ARL2: variants seen among roughly 807,000 people sequenced by gnomAD.
The protein encoded by ARL2 is ARF like GTPase 2.
A neutral mutation model predicts 22.0 loss-of-function variants in ARL2; 11 were observed. The observed-to-expected ratio is 0.50, with a 90% confidence interval of 0.31 to 0.83. The LOEUF is 0.83. ARL2 is among the 40% of genes least tolerant of loss of function. The pLI, the probability that ARL2 is intolerant of heterozygous loss-of-function variation, is 0.04. For synonymous variants in ARL2, 111 were observed against 100.8 expected, an observed-to-expected ratio of 1.10 and a Z score of -0.61; for missense variants, 216 against 243.2, an observed-to-expected ratio of 0.89 and a Z score of 0.74.
intron 1 of ARL2, among the ~76,000 whole-genome samples, chr11:65,016,899 A>G (rs921461752): frequency 3.3e-5 from 5 of 152,220 alleles, no homozygotes; most frequent in Admixed American, 2.6e-4. Context: ...CCCAGTGCCA[A>G]GGGCAGCGCA....
At chr11:65,020,305 G>A in intron 3 of ARL2, 114 bp from the exon 4 acceptor site, 3 of 874,478 alleles carry the variant, frequency 3.4e-6, no homozygotes, top group East Asian at 2.6e-5. Context: ...CCACCACGGG[G>A]CCTCACCTTG....
At chr11:65,016,973 C>T (rs949140769) in intron 1 of ARL2, among the ~76,000 whole-genome samples, 5 of 152,076 alleles carry the variant, frequency 3.3e-5, no homozygotes, top group South Asian at 4.2e-4. Context: ...GATGACTGAG[C>T]GCTGTCCCAG....
Position 65,022,075 on chromosome 11 carries a change from C to T in ARL2, c.*220C>T. On this transcript the variant is annotated 3_prime_UTR_variant, in exon 5 of 5. Coordinates refer to ENST00000246747, the MANE Select transcript of ARL2 (RefSeq NM_001667.4). Reference sequence around the variant, plus strand: ...CTCTGGCTCCTGACCTGGCCTTTGGCTACCATACCAAGAAGAGAGGGCTGG... The same window carrying T: ...CTCTGGCTCCTGACCTGGCCTTTGGTTACCATACCAAGAAGAGAGGGCTGG... 1 of 617,358 alleles carries T rather than the reference C, an allele frequency of 1.6e-6. No homozygotes were observed. The highest frequency in any genetic ancestry group is 1.8e-5 in the African/African-American group (1 of 54,470). The allele number at this position is 617,358 out of a possible 1,614,324, so 38.2% of individuals were successfully genotyped here.
rs1946333900 is a variant in ARL2, at chr11:65,021,959, C to T, written c.*104C>T. On this transcript the variant is annotated 3_prime_UTR_variant, in exon 5 of 5. Transcript: ENST00000246747. ...AGCCGGCCAAACTAACACTCCCCCTCCTCCACCCCAGCCTGCTGCTGCTAC... is the reference window on the plus strand; with the variant it reads ...AGCCGGCCAAACTAACACTCCCCCTTCTCCACCCCAGCCTGCTGCTGCTAC... The T allele has an allele frequency of 1.1e-5, 16 of 1,463,204 alleles. No individual in the cohort carries two copies. The South Asian group carries it at 1.8e-4, about 16-fold the overall frequency. The allele number at this position is 1,463,204 out of a possible 1,614,324, so 90.6% of individuals were successfully genotyped here.
intron 1 of ARL2, among the ~76,000 whole-genome samples, chr11:65,016,259 A>T (rs1946252997): frequency 8.3e-6 from 1 of 119,804 alleles, no homozygotes; most frequent in African/African-American, 3.4e-5. Flanking sequence ...GTTGAACCAT[A>T]TAGCAATTCG....
intron 1 of ARL2, among the ~76,000 whole-genome samples, chr11:65,016,347 T>G (rs1946255816): frequency 6.6e-6 from 1 of 151,250 alleles, no homozygotes; most frequent in African/African-American, 2.4e-5. Flanking sequence ...TTCAGAGGAC[T>G]GGTGAGGAGG....
Position 65,018,988 on chromosome 11 carries a change from C to G in ARL2, c.339+255C>G. 1.4e-6 allele frequency: 2 copies of G among 1,429,260 alleles called. No individual in the cohort carries two copies. Among genetic ancestry groups the G allele is most frequent in the Non-Finnish European group, 1.9e-6 (2 of 1,070,946 alleles). 88.5% of individuals were successfully genotyped at this position (1,429,260 alleles called of 1,614,324 possible). Reference sequence around the variant, plus strand: ...ATGCCTTGAAATGGTGATGATGACACCCACATCACTGGGCTTTAGGGAGGA... The same window carrying G: ...ATGCCTTGAAATGGTGATGATGACAGCCACATCACTGGGCTTTAGGGAGGA... On this transcript the variant is annotated intron_variant, in intron 3 of 4. Coordinates refer to ENST00000246747, the MANE Select transcript of ARL2 (RefSeq NM_001667.4). The surrounding 1 kb of genome is among the most constrained non-coding windows in gnomAD (Gnocchi z 4.2).
intron 1 of ARL2, among the ~76,000 whole-genome samples, chr11:65,017,218 C>T (rs1166158529): frequency 3.3e-5 from 5 of 150,200 alleles, no homozygotes; most frequent in African/African-American, 7.4e-5. Flanking sequence ...TTTAATCAGA[C>T]GGGGTCTCGC....
At chr11:65,020,335 C>T (rs1227467202) in intron 3 of ARL2, 84 bp from the exon 4 acceptor site, 9 of 1,163,458 alleles carry the variant, frequency 7.7e-6, no homozygotes, top group Admixed American at 1.9e-5. Flanking sequence ...GTCGATCCTT[C>T]ACCCCAGATG....
Position 65,018,086 on chromosome 11 carries a change from G to A in ARL2, c.66-278G>A, listed in dbSNP as rs936915919. Among the ~76,000 whole-genome samples, 4 of 152,190 alleles carry A rather than the reference G, an allele frequency of 2.6e-5. No individual in the cohort carries two copies. The highest frequency in any genetic ancestry group is 4.1e-4 in the South Asian group (2 of 4,830). On this transcript the variant is annotated intron_variant, in intron 1 of 4. Coordinates refer to ENST00000246747, the MANE Select transcript of ARL2 (RefSeq NM_001667.4). This position sits in a 1 kb window ranked among gnomAD's most constrained non-coding sequence, Gnocchi z 4.2. Reference sequence around the variant, plus strand: ...TTTGTACTTTATTGACTGTCTTCCCGCTAGAGTGTAAGCTTCCTAAGGGCA... The same window carrying A: ...TTTGTACTTTATTGACTGTCTTCCCACTAGAGTGTAAGCTTCCTAAGGGCA...
chr11:65,021,873 C>T lies in ARL2; in HGVS notation c.*18C>T. The T allele has an allele frequency of 6.2e-7, 1 of 1,607,818 alleles. No individual in the cohort carries two copies. Among genetic ancestry groups the T allele is most frequent in the Non-Finnish European group, 8.5e-7 (1 of 1,177,672 alleles). ...CTGACTGAACCACTCCAGATGCCCC[C>T]CACCTAGCAGTCCAGGTCCCTCAAC... On this transcript the variant is annotated 3_prime_UTR_variant, in exon 5 of 5. Coordinates refer to ENST00000246747, the MANE Select transcript of ARL2 (RefSeq NM_001667.4).
rs760492829 is a variant in ARL2, at chr11:65,021,857, C to G, written c.*2C>G. 1 of 1,611,692 alleles carries G rather than the reference C, an allele frequency of 6.2e-7. No homozygotes were observed. Among genetic ancestry groups the G allele is most frequent in the Non-Finnish European group, 8.5e-7 (1 of 1,179,454 alleles). On this transcript the variant is annotated 3_prime_UTR_variant, in exon 5 of 5. Coordinates refer to ENST00000246747, the MANE Select transcript of ARL2 (RefSeq NM_001667.4). ...AGCCGCATTTTCACAGCTGACTGAA[C>G]CACTCCAGATGCCCCCCACCTAGCA...
chr11:65,018,370 G>A lies in ARL2; in HGVS notation c.72G>A (p.Leu24=). The change falls in exon 2 of 5, where the codon CTG becomes CTA. Residue 24 remains leucine, a synonymous_variant. Transcript: ENST00000246747. This position sits in a 1 kb window ranked among gnomAD's most constrained non-coding sequence, Gnocchi z 4.2. ...ERELRLLMLG[L]DNAGKTTILK... is the part of the protein sequence containing the mutation. ...TTAACCTGCTGCGCCCCAGTGGCCTGGACAATGCTGGAAAGACAACCATCC... is the reference window on the plus strand; with the variant it reads ...TTAACCTGCTGCGCCCCAGTGGCCTAGACAATGCTGGAAAGACAACCATCC... 5 of 1,601,840 alleles carry A rather than the reference G, an allele frequency of 3.1e-6. No individual in the cohort carries two copies. The highest frequency in any genetic ancestry group is 4.3e-6 in the Non-Finnish European group (5 of 1,174,974).
In ARL2 at chr11:65,014,166, G is replaced by A. The variant is rs1297277791; in HGVS notation, c.-42G>A. 3 of 1,494,618 alleles carry A rather than the reference G, an allele frequency of 2.0e-6. No individual in the cohort carries two copies. The highest frequency in any genetic ancestry group is 1.5e-5 in the African/African-American group (1 of 68,758). The allele number at this position is 1,494,618 out of a possible 1,614,324, so 92.6% of individuals were successfully genotyped here. ...AACAGGAACCGGGAGCGGGGTCCCG[G>A]GACTGGGAAGAAACGGCGGCCGGGA... is the stretch of plus-strand genomic sequence containing the variant. On this transcript the variant is annotated 5_prime_UTR_variant, in exon 1 of 5. Coordinates refer to ENST00000246747, the MANE Select transcript of ARL2 (RefSeq NM_001667.4).
chr11:65,015,076 A>G (rs1366042881), intron 1 of ARL2, among the ~76,000 whole-genome samples: 3 of 152,114 alleles, frequency 2.0e-5, no homozygotes, highest in Non-Finnish European at 4.4e-5. Flanking sequence ...AAACTCTGGG[A>G]ATATAGGCAT....
At chr11:65,015,223 C>G (rs1301261288) in intron 1 of ARL2, among the ~76,000 whole-genome samples, 1 of 152,232 alleles carries the variant, frequency 6.6e-6, no homozygotes, top group Admixed American at 6.5e-5. Flanking sequence ...AAGCAATTCT[C>G]CTGCCTCAGC....
At chr11:65,017,226 C>T (rs925753616) in intron 1 of ARL2, among the ~76,000 whole-genome samples, 3 of 151,004 alleles carry the variant, frequency 2.0e-5, no homozygotes, top group Non-Finnish European at 2.9e-5. Flanking sequence ...GACGGGGTCT[C>T]GCTGAGTCGC....
intron 1 of ARL2, among the ~76,000 whole-genome samples, chr11:65,016,630 G>A (rs1378715821): frequency 6.6e-6 from 1 of 152,068 alleles, no homozygotes; most frequent in Non-Finnish European, 1.5e-5. Flanking sequence ...GGTTCAGGGT[G>A]GAGATGAGAA....
At chr11:65,017,252 G>A (rs1237432376) in intron 1 of ARL2, among the ~76,000 whole-genome samples, 1 of 151,642 alleles carries the variant, frequency 6.6e-6, no homozygotes, top group Admixed American at 6.6e-5. Context: ...CTGGAGTACA[G>A]TGGTGTGATC....
Sources: allele counts gnomAD v4.1 joint callset (sites outside exome capture counted in the v4.1 genomes callset), GRCh38; gene constraint gnomAD v4.1.1; non-coding constraint Gnocchi (gnomAD v3.1); transcripts MANE v1.5; gene names NCBI Gene and HGNC (gene_info 2026-07-23, HGNC 2026-07-21).